MYOF: variants seen among roughly 807,000 people sequenced by gnomAD.
MYOF encodes the protein myoferlin.
A neutral mutation model predicts 284.2 loss-of-function variants in MYOF; 244 were observed. The ratio of observed to expected loss-of-function variants is 0.86; its 90% CI spans 0.77 to 0.95. MYOF has a LOEUF of 0.95. Ranked by LOEUF, MYOF falls within the 40% of genes least tolerant of loss-of-function variation. The pLI is 0.00. For synonymous variants in MYOF, 904 were observed against 919.7 expected (o/e 0.98, Z 0.31); for missense variants, 2,496 against 2,560.6 (o/e 0.97, Z 0.54).
chr10:93,472,977 C>A (rs536351970), intron 1 of MYOF, among the ~76,000 whole-genome samples: 62 of 152,272 alleles, frequency 4.1e-4, no homozygotes, highest in African/African-American at 1.4e-3. Context: ...ACAATTGCTC[C>A]CAACAACCTC....
chr10:93,423,434 C>T (rs752141931), intron 5 of MYOF, among the ~76,000 whole-genome samples: 12 of 137,498 alleles, frequency 8.7e-5, no homozygotes, highest in East Asian at 2.2e-4. Flanking sequence ...GGCCGAGGCA[C>T]GAGAATTGTT....
chr10:93,387,958 A>C, intron 18 of MYOF, 45 bp from the exon 19 acceptor site: 1 of 1,474,872 alleles, frequency 6.8e-7, no homozygotes. Context: ...CAGCAACAGC[A>C]AAAAGAATTC....
intron 22 of MYOF, 53 bp from the exon 23 acceptor site, chr10:93,375,008 T>C (rs1330746925): frequency 1.3e-6 from 2 of 1,539,550 alleles, no homozygotes; most frequent in Non-Finnish European, 1.8e-6. Flanking sequence ...AACCTAATTT[T>C]AGGCTTCAGA....
At position 93,381,261 on chromosome 10, in the gene MYOF, G is replaced by T. The variant is rs745434615; in HGVS notation, c.1834C>A (p.Pro612Thr). 3 of 1,614,162 alleles carry T rather than the reference G, an allele frequency of 1.9e-6. No homozygotes were observed. In the East Asian group the frequency reaches 6.7e-5, roughly 36 times the overall value. ...YGNKFDTTCKPLASTTQYSRA... is the reference protein window; with the variant it reads ...YGNKFDTTCKTLASTTQYSRA... ...CTGTACTGAGTTGTTGATGCCAAAGGCTTACAGGTGGTGTCAAACTTGTTG... is the reference window on the plus strand; with the variant it reads ...CTGTACTGAGTTGTTGATGCCAAAGTCTTACAGGTGGTGTCAAACTTGTTG... The change falls in exon 20 of 54, where the codon CCT (proline) becomes ACT (threonine). Residue 612 changes from proline to threonine, a missense_variant. This residue lies in a region of MYOF where 2,436 missense variants were observed against 2,480.7 expected (regional missense o/e 0.98). Coordinates refer to ENST00000359263, the MANE Select transcript of MYOF (RefSeq NM_013451.4).
intron 5 of MYOF, among the ~76,000 whole-genome samples, chr10:93,420,871 A>C (rs1429389198): frequency 1.3e-5 from 2 of 152,224 alleles, no homozygotes; most frequent in African/African-American, 2.4e-5. Flanking sequence ...AATCAGAAGA[A>C]GCAGACATTA....
intron 31 of MYOF, 56 bp from the exon 32 acceptor site, chr10:93,353,944 T>C: frequency 7.3e-7 from 1 of 1,361,534 alleles, no homozygotes; most frequent in African/African-American, 1.5e-5. Flanking sequence ...AAACTGCTAT[T>C]TTACTGGAAT....
intron 25 of MYOF, 86 bp from the exon 26 acceptor site, chr10:93,366,641 C>T (rs547577910): frequency 5.9e-6 from 7 of 1,194,304 alleles, no homozygotes; most frequent in Middle Eastern, 2.0e-4. Context: ...TCATCGAGGA[C>T]TTAGGCTAGA....
At chr10:93,372,438 T>G (rs1213095642) in intron 24 of MYOF, among the ~76,000 whole-genome samples, 2 of 152,076 alleles carry the variant, frequency 1.3e-5, no homozygotes, top group Admixed American at 6.6e-5. Flanking sequence ...CTTAAGAGAG[T>G]CTATGACTCT....
intron 15 of MYOF, among the ~76,000 whole-genome samples, chr10:93,396,754 C>G (rs1472534527): frequency 6.6e-6 from 1 of 152,214 alleles, no homozygotes; most frequent in Non-Finnish European, 1.5e-5. Context: ...CTACATCCAA[C>G]TAGAACATTC....
Position 93,379,852 on chromosome 10 carries a change from G to A in MYOF, c.2001+11C>T. 1.2e-6 allele frequency: 2 copies of A among 1,613,122 alleles called. No homozygotes were observed. Among genetic ancestry groups the A allele is most frequent in the South Asian group, 1.1e-5 (1 of 90,966 alleles). Reference sequence around the variant, plus strand: ...TTGGTGAAAAGGAAATGCAGAAAAAGAGAAACTTACCAGCCGTTCTGCCAT... The same window carrying A: ...TTGGTGAAAAGGAAATGCAGAAAAAAAGAAACTTACCAGCCGTTCTGCCAT... On this transcript the variant is annotated intron_variant, in intron 21 of 53. Coordinates refer to ENST00000359263, the MANE Select transcript of MYOF (RefSeq NM_013451.4).
intron 17 of MYOF, among the ~76,000 whole-genome samples, 165 bp downstream of exon 17, chr10:93,392,752 C>T (rs529714018): frequency 2.6e-5 from 4 of 152,188 alleles, no homozygotes; most frequent in African/African-American, 4.8e-5. Context: ...TAAGCTTAGC[C>T]GTGCAGGACA....
chr10:93,468,835 C>G (rs1430297342), intron 1 of MYOF, among the ~76,000 whole-genome samples: 1 of 152,162 alleles, frequency 6.6e-6, no homozygotes, highest in Non-Finnish European at 1.5e-5. Flanking sequence ...TGTTTGTGAG[C>G]TGTTGTTTGT....
At chr10:93,424,857 C>G (rs1476069119) in intron 5 of MYOF, among the ~76,000 whole-genome samples, 1 of 149,002 alleles carries the variant, frequency 6.7e-6, no homozygotes, top group African/African-American at 2.5e-5. Context: ...CCAAGAGAAG[C>G]AAGAAGAAGA....
chr10:93,420,769 C>G (rs1848326354), intron 5 of MYOF, among the ~76,000 whole-genome samples: 1 of 152,144 alleles, frequency 6.6e-6, no homozygotes, highest in Admixed American at 6.5e-5. Context: ...TGTCATGTAT[C>G]TCTGTGACAT....
intron 46 of MYOF, chr10:93,324,417 A>G (rs1444501746): frequency 6.6e-6 from 1 of 152,192 alleles, no homozygotes; most frequent in Non-Finnish European, 1.5e-5. Context: ...TCTACAATTC[A>G]TCAAGCACTC....
chr10:93,452,037 G>T lies in MYOF; in HGVS notation c.236+13C>A. On this transcript the variant is annotated intron_variant, in intron 3 of 53. Coordinates refer to ENST00000359263, the MANE Select transcript of MYOF (RefSeq NM_013451.4). Reference sequence around the variant, plus strand: ...AATACCTAAAATGAGAAAAACAGGTGAAAACAACTTACTTATTTTGTCCAA... The same window carrying T: ...AATACCTAAAATGAGAAAAACAGGTTAAAACAACTTACTTATTTTGTCCAA... The T allele has an allele frequency of 3.8e-6, 6 of 1,576,592 alleles. No individual in the cohort carries two copies. The highest frequency in any genetic ancestry group is 5.2e-6 in the Non-Finnish European group (6 of 1,157,160).
chr10:93,456,737 T>C, intron 2 of MYOF, 145 bp downstream of exon 2: 1 of 632,404 alleles, frequency 1.6e-6, no homozygotes, highest in Non-Finnish European at 2.7e-6. Flanking sequence ...TCTGCTCTCT[T>C]GGTGAACACA....
intron 53 of MYOF, among the ~76,000 whole-genome samples, chr10:93,308,070 C>T (rs1842202272): frequency 1.3e-5 from 2 of 149,304 alleles, no homozygotes; most frequent in South Asian, 4.3e-4. Flanking sequence ...TGGTGAAACC[C>T]CGTCTCTACT....
At chr10:93,319,826 G>A in intron 49 of MYOF, 46 bp downstream of exon 49, 1 of 1,612,236 alleles carries the variant, frequency 6.2e-7, no homozygotes, top group Non-Finnish European at 8.5e-7. Context: ...CTGAGTTAAG[G>A]AAGATCCATG....
Sources: gnomAD v4.1 joint callset for allele counts (sites outside exome capture counted in the v4.1 genomes callset) on GRCh38, gnomAD v4.1.1 for gene constraint, gnomAD v4.1.1 regional missense constraint, MANE v1.5 for transcripts, NCBI Gene and HGNC (gene_info 2026-07-23, HGNC 2026-07-21) for gene names.